EMILIN2: variants seen among roughly 807,000 people sequenced by gnomAD.
The protein encoded by EMILIN2 is EMILIN-2.
In EMILIN2, 71 loss-of-function variants were observed where a neutral mutation model predicts 87.1. The ratio of observed to expected loss-of-function variants is 0.82; its 90% CI spans 0.67 to 0.99. The LOEUF (loss-of-function observed/expected upper bound fraction) is 0.99, where lower values mean the gene tolerates loss of function less well. Ranked by LOEUF, EMILIN2 falls within the 50% of genes least tolerant of loss-of-function variation. The pLI, the probability that EMILIN2 is intolerant of heterozygous loss-of-function variation, is 0.00. For synonymous variants in EMILIN2, 581 were observed against 563.4 expected, an observed-to-expected ratio of 1.03 and a Z score of -0.44; for missense variants, 1,407 against 1,371.8, an observed-to-expected ratio of 1.03 and a Z score of -0.40.
intron 2 of EMILIN2, among the ~76,000 whole-genome samples, chr18:2,865,310 C>A (rs2076681130): frequency 6.6e-6 from 1 of 152,132 alleles, no homozygotes; most frequent in African/African-American, 2.4e-5. Context: ...TTAGAGTTTC[C>A]AGTTTTTCTG....
At chr18:2,864,429 C>A (rs1222981875) in intron 2 of EMILIN2, among the ~76,000 whole-genome samples, 4 of 152,188 alleles carry the variant, frequency 2.6e-5, no homozygotes, top group African/African-American at 9.7e-5. Context: ...GTGACAAAAT[C>A]TCTCAGCATT....
intron 2 of EMILIN2, among the ~76,000 whole-genome samples, chr18:2,852,841 T>C (rs2076608328): frequency 6.6e-6 from 1 of 152,192 alleles, no homozygotes; most frequent in South Asian, 2.1e-4. Flanking sequence ...TCTTAACACC[T>C]ATAAAGATTC....
Position 2,890,828 on chromosome 18 carries a change from A to C in EMILIN2, c.701A>C (p.Lys234Thr). 1 of 1,613,860 alleles carries C rather than the reference A, an allele frequency of 6.2e-7. No homozygotes were observed. Among genetic ancestry groups the C allele is most frequent in the Non-Finnish European group, 8.5e-7 (1 of 1,179,990 alleles). ...RAPGLSSQHP[K>T]PDTTVSGDTE... Reference sequence around the variant, plus strand: ...CCAGGGCTCAGCAGCCAGCACCCCAAGCCTGACACCACTGTTAGTGGAGAC... The same window carrying C: ...CCAGGGCTCAGCAGCCAGCACCCCACGCCTGACACCACTGTTAGTGGAGAC... The change falls in exon 4 of 8, where the codon AAG becomes ACG. Residue 234 changes from lysine (K) to threonine (T), a missense_variant. Lys to Thr is a moderately conservative substitution (Grantham distance 78). Transcript: ENST00000254528. This position sits in a 1 kb window ranked among gnomAD's most constrained non-coding sequence, Gnocchi z 4.7.
upstream of EMILIN2, among the ~76,000 whole-genome samples, chr18:2,846,238 A>G (rs985241869): frequency 3.3e-5 from 5 of 152,368 alleles, no homozygotes; most frequent in African/African-American, 9.6e-5. The surrounding 1 kb of genome is among the most constrained non-coding windows in gnomAD (Gnocchi z 5.3). Context: ...AAAGTTTAAG[A>G]CGGATGTCTA....
rs201254502 is a variant in EMILIN2, at chr18:2,891,439, A to G, written c.1312A>G (p.Ile438Val). Reference sequence around the variant, plus strand: ...ACTGGACAATGAGTTTGACCGCCTTATAGTTCCAGAGCCAGATGTGGATTT... The same window carrying G: ...ACTGGACAATGAGTTTGACCGCCTTGTAGTTCCAGAGCCAGATGTGGATTT... Reference protein sequence around the residue: ...GRLDNEFDRLIVPEPDVDFDA... With the variant: ...GRLDNEFDRLVVPEPDVDFDA... Residue 438 changes from isoleucine to valine, a missense_variant, in exon 4 of 8, where the codon ATA becomes GTA. Physicochemically the swap from Ile to Val is conservative, Grantham distance 29 (BLOSUM62 3). Transcript: ENST00000254528. This position sits in a 1 kb window ranked among gnomAD's most constrained non-coding sequence, Gnocchi z 4.6. 1.9e-6 allele frequency: 3 copies of G among 1,614,250 alleles called. No individual in the cohort carries two copies. The highest frequency in any genetic ancestry group is 1.3e-5 in the African/African-American group (1 of 75,068).
chr18:2,858,337 CAA>C (rs2076638101), intron 2 of EMILIN2, among the ~76,000 whole-genome samples: 2 of 150,652 alleles, frequency 1.3e-5, no homozygotes, highest in Admixed American at 1.3e-4. Flanking sequence ...CCTGAGTCCC[CAA>C]AGTCCACTGT....
intron 4 of EMILIN2, among the ~76,000 whole-genome samples, chr18:2,893,910 C>T (rs2076851637): frequency 6.6e-6 from 1 of 152,164 alleles, no homozygotes; most frequent in African/African-American, 2.4e-5. Context: ...CTGTGTGTCT[C>T]CCAGAACTGA....
At position 2,884,506 on chromosome 18, in the gene EMILIN2, A is replaced by G. The variant is rs563336801; in HGVS notation, c.258-458A>G. 5.3e-5 allele frequency among the ~76,000 whole-genome samples: 8 copies of G among 152,334 alleles called. No homozygotes were observed. In the South Asian group the frequency reaches 1.4e-3, roughly 28 times the overall value. ...AGTGATCTGCTGGCCTCAGCCTCCC[A>G]AAGTGCTGGGATTACAGGCATGAGC... On this transcript the variant is annotated intron_variant, in intron 2 of 7. Transcript: ENST00000254528.
chr18:2,873,197 G>C (rs1292122815), intron 2 of EMILIN2, among the ~76,000 whole-genome samples: 2 of 151,934 alleles, frequency 1.3e-5, no homozygotes, highest in African/African-American at 2.4e-5. Flanking sequence ...GATCACCTGA[G>C]GTCAGGAGTT....
intron 2 of EMILIN2, among the ~76,000 whole-genome samples, chr18:2,858,916 G>A (rs1032464533): frequency 3.3e-5 from 5 of 152,096 alleles, no homozygotes; most frequent in African/African-American, 1.2e-4. Flanking sequence ...GATTACAGGC[G>A]TGAGCCACCA....
In EMILIN2 at chr18:2,900,727, C is replaced by A. The variant is rs10163804; in HGVS notation, c.2360-6056C>A. ...TCTCTGAATTTTCTGATGAGTCCAG[C>A]ATTTCTCATGCTTCAGTCCGTGATG... On this transcript the variant is annotated intron_variant, in intron 4 of 7. Coordinates refer to ENST00000254528, the MANE Select transcript of EMILIN2 (RefSeq NM_032048.3). Among the ~76,000 whole-genome samples, 3 of 152,154 alleles carry A rather than the reference C, an allele frequency of 2.0e-5. No individual in the cohort carries two copies. The East Asian group carries it at 5.8e-4, about 29-fold the overall frequency.
Position 2,896,619 on chromosome 18 carries a change from C to T in EMILIN2, c.2359+4133C>T, listed in dbSNP as rs73369495. Among the ~76,000 whole-genome samples, 1,384 of 152,184 alleles carry T rather than the reference C, an allele frequency of 9.1e-3. 29 individuals carry two copies. Among genetic ancestry groups the T allele is most frequent in the African/African-American group, 0.031 (1,300 of 41,486 alleles). On this transcript the variant is annotated intron_variant, in intron 4 of 7. Coordinates refer to ENST00000254528, the MANE Select transcript of EMILIN2 (RefSeq NM_032048.3). Reference sequence around the variant, plus strand: ...CCACCCAGGTAGCTAGTACTACTGGCACGTGCCATCGCACCCAGCTAATTT... The same window carrying T: ...CCACCCAGGTAGCTAGTACTACTGGTACGTGCCATCGCACCCAGCTAATTT...
rs140984164 is a variant in EMILIN2, at chr18:2,906,772, A to C, written c.2360-11A>C. On this transcript the variant is annotated splice_polypyrimidine_tract_variant and intron_variant, in intron 4 of 7. Coordinates refer to ENST00000254528, the MANE Select transcript of EMILIN2 (RefSeq NM_032048.3). ...AATCCCGTGTGTTTCTTTCTCCCCGACGCCCGGCAGAGGCGCCCTCGCCCC... is the reference window on the plus strand; with the variant it reads ...AATCCCGTGTGTTTCTTTCTCCCCGCCGCCCGGCAGAGGCGCCCTCGCCCC... The C allele has an allele frequency of 2.4e-5, 30 of 1,255,072 alleles. No homozygotes were observed. Among genetic ancestry groups the C allele is most frequent in the Admixed American group, 1.3e-4 (3 of 23,252 alleles). The allele number at this position is 1,255,072 out of a possible 1,614,324, so 77.7% of individuals were successfully genotyped here.
chr18:2,881,841 T>C (rs637647), intron 2 of EMILIN2, among the ~76,000 whole-genome samples: 107,074 of 152,158 alleles, frequency 0.7, 38,503 homozygotes, highest in Non-Finnish European at 0.77. Context: ...TTTTACATTT[T>C]CAAGGACCAC....
intron 2 of EMILIN2, among the ~76,000 whole-genome samples, chr18:2,881,024 T>C (rs1463949445): frequency 1.3e-5 from 2 of 152,200 alleles, no homozygotes; most frequent in African/African-American, 4.8e-5. Flanking sequence ...CCTTTGTTGC[T>C]CCCCATCCTC....
chr18:2,870,189 T>C (rs1021874896), intron 2 of EMILIN2, among the ~76,000 whole-genome samples: 1 of 152,144 alleles, frequency 6.6e-6, no homozygotes, highest in Non-Finnish European at 1.5e-5. Context: ...TACAGTGAAC[T>C]ATGATTGTGC....
chr18:2,858,013 C>T (rs925409977), intron 2 of EMILIN2, among the ~76,000 whole-genome samples: 5 of 152,118 alleles, frequency 3.3e-5, no homozygotes, highest in Admixed American at 6.6e-5. Flanking sequence ...CTCCTTCTCA[C>T]GGCCGGTGCA....
At chr18:2,882,612 T>C (rs569107376) in intron 2 of EMILIN2, among the ~76,000 whole-genome samples, 132 of 152,176 alleles carry the variant, frequency 8.7e-4, no homozygotes, top group African/African-American at 2.8e-3. Context: ...CTGGGCACAG[T>C]GGCTCACACC....
chr18:2,905,901 G>C (rs2144066752), intron 4 of EMILIN2, among the ~76,000 whole-genome samples: 1 of 152,188 alleles, frequency 6.6e-6, no homozygotes, highest in East Asian at 1.9e-4. Context: ...TGGGATTACG[G>C]GCGTGAGCCA....
Sources: allele counts gnomAD v4.1 joint callset (sites outside exome capture counted in the v4.1 genomes callset), GRCh38; gene constraint gnomAD v4.1.1; non-coding constraint Gnocchi (gnomAD v3.1); transcripts MANE v1.5; gene names NCBI Gene and HGNC (gene_info 2026-07-23, HGNC 2026-07-21).